Variants in WWOX observed in about 807,000 individuals in gnomAD.
The protein encoded by WWOX is WW domain containing oxidoreductase.
WWOX carries 69 observed loss-of-function variants against 46.2 expected under a neutral mutation model. The observed-to-expected ratio is 1.49, with a 90% CI of 1.23 to 1.82. The LOEUF is 1.82. Ranked by LOEUF, WWOX falls within the 40% of genes most tolerant of loss-of-function variation. The probability of loss-of-function intolerance (pLI) is 0.00; values close to 1 mark genes in which losing one functional copy is unlikely to be tolerated. For synonymous variants in WWOX, 359 were observed against 202.6 expected (o/e 1.77, Z -6.56); for missense variants, 919 against 542.6 (o/e 1.69, Z -6.89).
At chr16:78,549,838 G>C (rs1267856720) in intron 8 of WWOX, among the ~76,000 whole-genome samples, 1 of 152,106 alleles carries the variant, frequency 6.6e-6, no homozygotes, top group African/African-American at 2.4e-5. Context: ...GGTGTATGTA[G>C]GGCAGGAACC....
At chr16:78,740,312 C>T (rs1038600922) in intron 8 of WWOX, among the ~76,000 whole-genome samples, 5 of 152,128 alleles carry the variant, frequency 3.3e-5, no homozygotes, top group Admixed American at 1.3e-4. Context: ...TGAAATTACC[C>T]GTCGGGGGGC....
At chr16:78,233,524 ATTT>A (rs36007148) in intron 5 of WWOX, among the ~76,000 whole-genome samples, 127 of 125,960 alleles carry the variant, frequency 1.0e-3, no homozygotes, top group East Asian at 2.6e-3. Flanking sequence ...TGATGATTAA[ATTT>A]TTTTTTTTTT....
chr16:78,286,363 G>A (rs572449476), intron 5 of WWOX, among the ~76,000 whole-genome samples: 11 of 152,194 alleles, frequency 7.2e-5, no homozygotes, highest in African/African-American at 2.7e-4. Flanking sequence ...TGCAGCCCCA[G>A]ATGAGGTGGG....
intron 8 of WWOX, among the ~76,000 whole-genome samples, chr16:79,129,010 C>G (rs989996961): frequency 6.6e-6 from 1 of 152,164 alleles, no homozygotes; most frequent in Admixed American, 6.5e-5. Context: ...TTTCCATTTG[C>G]TGGTAAACAA....
chr16:78,888,825 T>C (rs754411315), intron 8 of WWOX, among the ~76,000 whole-genome samples: 2 of 152,098 alleles, frequency 1.3e-5, no homozygotes, highest in African/African-American at 2.4e-5. Context: ...TTTTTCTTTT[T>C]AATTCATAGT....
At chr16:78,385,800 A>G (rs563315128) in intron 5 of WWOX, among the ~76,000 whole-genome samples, 33 of 152,126 alleles carry the variant, frequency 2.2e-4, no homozygotes, top group African/African-American at 7.7e-4. Context: ...GTTTTACGGG[A>G]CTCTTCTTAT....
intron 8 of WWOX, among the ~76,000 whole-genome samples, chr16:78,640,516 G>A (rs549317456): frequency 5.3e-5 from 8 of 152,176 alleles, no homozygotes; most frequent in South Asian, 2.1e-4. Context: ...GTTTGCATCC[G>A]AAACAACCAC....
chr16:78,351,599 G>A (rs777983936), intron 5 of WWOX, among the ~76,000 whole-genome samples: 1 of 152,194 alleles, frequency 6.6e-6, no homozygotes, highest in Non-Finnish European at 1.5e-5. Context: ...AAGCGGAGCA[G>A]ATGCTGGCTC....
At chr16:78,555,249 T>A (rs1364378878) in intron 8 of WWOX, among the ~76,000 whole-genome samples, 1 of 151,998 alleles carries the variant, frequency 6.6e-6, no homozygotes, top group African/African-American at 2.4e-5. Flanking sequence ...TTAAATGTAT[T>A]CTCCTATACT....
chr16:78,807,002 G>A (rs2051058531), intron 8 of WWOX, among the ~76,000 whole-genome samples: 1 of 152,142 alleles, frequency 6.6e-6, no homozygotes, highest in Non-Finnish European at 1.5e-5. Context: ...CTATGAAATG[G>A]GGGACACTAA....
chr16:78,870,292 A>G (rs1046927245), intron 8 of WWOX, among the ~76,000 whole-genome samples: 5 of 152,188 alleles, frequency 3.3e-5, no homozygotes, highest in Non-Finnish European at 5.9e-5. Flanking sequence ...AAATAAATGT[A>G]TAGACACACA....
chr16:78,223,437 G>C (rs2036955459), intron 5 of WWOX, among the ~76,000 whole-genome samples: 2 of 152,158 alleles, frequency 1.3e-5, no homozygotes, highest in Non-Finnish European at 2.9e-5. Context: ...ATAGGTCAGA[G>C]AAGAATGCCA....
intron 8 of WWOX, among the ~76,000 whole-genome samples, chr16:79,161,739 A>G (rs538124699): frequency 6.6e-6 from 1 of 152,244 alleles, no homozygotes; most frequent in Admixed American, 6.5e-5. Context: ...GGCTGGTCTC[A>G]AACTCGTGAC....
intron 5 of WWOX, among the ~76,000 whole-genome samples, chr16:78,343,776 A>G (rs548668971): frequency 8.3e-6 from 1 of 121,106 alleles, no homozygotes; most frequent in Admixed American, 8.0e-5. Context: ...CATACCAAGG[A>G]CTAAAGGAGT....
chr16:78,158,907 T>A (rs1326886852), intron 4 of WWOX, among the ~76,000 whole-genome samples: 1 of 152,202 alleles, frequency 6.6e-6, no homozygotes, highest in Non-Finnish European at 1.5e-5. Context: ...TGAAACTTCA[T>A]ACCCTTTGGC....
chr16:78,482,625 T>A (rs771423591), intron 8 of WWOX, among the ~76,000 whole-genome samples: 13 of 152,220 alleles, frequency 8.5e-5, no homozygotes, highest in Non-Finnish European at 1.8e-4. Flanking sequence ...CTGACCATTC[T>A]ATGAAGTGGC....
intron 5 of WWOX, among the ~76,000 whole-genome samples, chr16:78,321,778 T>A (rs1188873687): frequency 6.6e-6 from 1 of 152,162 alleles, no homozygotes; most frequent in Non-Finnish European, 1.5e-5. Context: ...GCCCTCCCTG[T>A]CAGTGGCTGT....
intron 8 of WWOX, among the ~76,000 whole-genome samples, chr16:78,768,617 A>T (rs929140276): frequency 1.3e-4 from 19 of 149,658 alleles, no homozygotes. Flanking sequence ...AAGGCTTTGG[A>T]GCTTCCTAAT....
intron 8 of WWOX, among the ~76,000 whole-genome samples, chr16:79,182,440 C>T (rs2050931079): frequency 6.6e-6 from 1 of 152,038 alleles, no homozygotes; most frequent in African/African-American, 2.4e-5. Flanking sequence ...TAAATATGTG[C>T]CATCTTTGTT....
Sources: gnomAD v4.1 joint callset for allele counts (sites outside exome capture counted in the v4.1 genomes callset) on GRCh38, gnomAD v4.1.1 for gene constraint, MANE v1.5 for transcripts, NCBI Gene and HGNC (gene_info 2026-07-23, HGNC 2026-07-21) for gene names.